Variants in SIDT1 observed in about 807,000 individuals in gnomAD.
SIDT1 encodes SID1 transmembrane family member 1.
In SIDT1, 101 loss-of-function variants were observed where a neutral mutation model predicts 107.5. The ratio of observed to expected loss-of-function variants is 0.94; its 90% CI spans 0.80 to 1.11. The LOEUF is 1.11. Among genes scored for constraint, SIDT1 ranks in the 50% least tolerant of loss-of-function variants. SIDT1 has a pLI of 0.00. For synonymous variants in SIDT1, 395 were observed against 398.2 expected, an observed-to-expected ratio of 0.99 and a Z score of 0.10; for missense variants, 1,076 against 1,058.2, an observed-to-expected ratio of 1.02 and a Z score of -0.23.
At chr3:113,582,672 G>A (rs569417041) in intron 6 of SIDT1, among the ~76,000 whole-genome samples, 1 of 152,208 alleles carries the variant, frequency 6.6e-6, no homozygotes, top group Middle Eastern at 3.4e-3. Context: ...TTGGGCAGAG[G>A]TTGCAATGAG....
At chr3:113,561,010 A>G (rs1250489156) in intron 1 of SIDT1, among the ~76,000 whole-genome samples, 5 of 152,230 alleles carry the variant, frequency 3.3e-5, no homozygotes, top group Non-Finnish European at 7.3e-5. Flanking sequence ...GACAAGATTT[A>G]TGCAATAAAA....
chr3:113,594,090 C>T (rs1014472831), intron 10 of SIDT1, among the ~76,000 whole-genome samples: 1 of 152,122 alleles, frequency 6.6e-6, no homozygotes, highest in African/African-American at 2.4e-5. Flanking sequence ...TGTGTGTTTT[C>T]CACACTTAAA....
chr3:113,618,475 A>G lies in SIDT1; in HGVS notation c.2044-1205A>G, dbSNP rs968523430. 5.1e-4 allele frequency among the ~76,000 whole-genome samples: 78 copies of G among 152,184 alleles called. 1 individual carries two copies. The highest frequency in any genetic ancestry group is 2.1e-4 in the South Asian group (1 of 4,832). On this transcript the variant is annotated intron_variant, in intron 20 of 24. Coordinates refer to ENST00000264852, the MANE Select transcript of SIDT1 (RefSeq NM_017699.3). ...TATTGCTGGATTACATGGCAATCAT[A>G]AGTTTAGTTTTGTAAGAAACGCGAA...
chr3:113,582,690 C>G (rs992616839), intron 6 of SIDT1, among the ~76,000 whole-genome samples: 1 of 152,098 alleles, frequency 6.6e-6, no homozygotes, highest in African/African-American at 2.4e-5. Flanking sequence ...GAGCCGAGAT[C>G]ACGCCACCAC....
At chr3:113,612,052 C>T in intron 18 of SIDT1, 34 bp from the exon 19 acceptor site, 2 of 1,503,796 alleles carry the variant, frequency 1.3e-6, no homozygotes, top group South Asian at 1.1e-5. Context: ...TAGGGAAAAC[C>T]TCAGATGAAG....
chr3:113,577,036 A>G, intron 4 of SIDT1, 69 bp downstream of exon 4: 1 of 1,448,034 alleles, frequency 6.9e-7, no homozygotes, highest in South Asian at 1.1e-5. Flanking sequence ...TAGTGAAACC[A>G]TGTTACCCTG....
At chr3:113,603,176 T>C in intron 12 of SIDT1, 26 bp downstream of exon 12, 1 of 1,590,738 alleles carries the variant, frequency 6.3e-7, no homozygotes, top group Middle Eastern at 1.7e-4. Flanking sequence ...CGCCGTACTC[T>C]TTGAGAGGGC....
At chr3:113,595,229 T>TATA (rs1369834409) in intron 10 of SIDT1, among the ~76,000 whole-genome samples, 1 of 152,150 alleles carries the variant, frequency 6.6e-6, no homozygotes, top group Non-Finnish European at 1.5e-5. Flanking sequence ...AATAGCATCC[T>TATA]TCACTTCCGT....
intron 19 of SIDT1, among the ~76,000 whole-genome samples, chr3:113,615,602 C>T (rs1030104840): frequency 6.6e-6 from 1 of 152,216 alleles, no homozygotes; most frequent in South Asian, 2.1e-4. Context: ...ATTTTCTGAA[C>T]ATGCTCAGTA....
intron 1 of SIDT1, among the ~76,000 whole-genome samples, chr3:113,561,415 C>T (rs138805132): frequency 7.6e-4 from 116 of 152,218 alleles, no homozygotes; most frequent in African/African-American, 2.2e-3. Flanking sequence ...AAGTGGATTG[C>T]GAAAGCCAGG....
chr3:113,540,959 G>C (rs966944089), intron 1 of SIDT1, among the ~76,000 whole-genome samples: 2 of 151,828 alleles, frequency 1.3e-5, no homozygotes, highest in African/African-American at 2.4e-5. Context: ...TAAATAACTA[G>C]TTAATACCCT....
At chr3:113,605,980 G>A (rs1479859494) in intron 14 of SIDT1, among the ~76,000 whole-genome samples, 2 of 149,400 alleles carry the variant, frequency 1.3e-5, no homozygotes, top group African/African-American at 4.9e-5. Context: ...ACTCCAGCCT[G>A]AGTGACAGAG....
At chr3:113,582,975 T>C (rs76878690) in intron 6 of SIDT1, among the ~76,000 whole-genome samples, 1,992 of 152,238 alleles carry the variant, frequency 0.013, 43 homozygotes, top group African/African-American at 0.046. Context: ...AAAGCCAAGA[T>C]GATAACTGAG....
intron 12 of SIDT1, among the ~76,000 whole-genome samples, 187 bp downstream of exon 12, chr3:113,603,337 C>T (rs1440240818): frequency 1.3e-5 from 2 of 151,804 alleles, no homozygotes; most frequent in Non-Finnish European, 1.5e-5. Flanking sequence ...TTTTTTCTCG[C>T]GGAAGAAAGT....
chr3:113,616,244 T>G, intron 20 of SIDT1, 68 bp downstream of exon 20: 1 of 1,266,596 alleles, frequency 7.9e-7, no homozygotes, highest in South Asian at 1.2e-5. Flanking sequence ...AGGAACAGGC[T>G]TGGGGCAGTC....
chr3:113,623,059 C>A (rs1231017877), intron 21 of SIDT1, among the ~76,000 whole-genome samples: 9 of 151,450 alleles, frequency 5.9e-5, no homozygotes, highest in Admixed American at 5.9e-4. Context: ...GAAGTGGTGG[C>A]ATGCATCTGT....
intron 21 of SIDT1, among the ~76,000 whole-genome samples, chr3:113,620,687 T>A (rs1275173379): frequency 6.6e-6 from 1 of 152,152 alleles, no homozygotes; most frequent in African/African-American, 2.4e-5. Context: ...CATTTAACGA[T>A]TCCTCCTTTA....
downstream of SIDT1, chr3:113,633,006 T>C (rs1295112280): frequency 6.6e-6 from 1 of 152,194 alleles, no homozygotes; most frequent in African/African-American, 2.4e-5. Flanking sequence ...TATAAGACTC[T>C]TATCATTATG....
intron 20 of SIDT1, 118 bp from the exon 21 acceptor site, chr3:113,619,562 C>T: frequency 1.1e-6 from 1 of 870,500 alleles, no homozygotes. Flanking sequence ...CTTAGAACCA[C>T]AGAAAATTAT....
Sources: gnomAD v4.1 joint callset for allele counts (sites outside exome capture counted in the v4.1 genomes callset) on GRCh38, gnomAD v4.1.1 for gene constraint, MANE v1.5 for transcripts, NCBI Gene and HGNC (gene_info 2026-07-23, HGNC 2026-07-21) for gene names.